TRIP13: variants seen among roughly 807,000 people sequenced by gnomAD.
The protein encoded by TRIP13 is thyroid hormone receptor interactor 13.
In TRIP13, 25 loss-of-function variants were observed where a neutral mutation model predicts 54.4. The observed-to-expected ratio is 0.46, with a 90% CI of 0.33 to 0.64. The LOEUF (loss-of-function observed/expected upper bound fraction) is 0.64, where lower values mean the gene tolerates loss of function less well. TRIP13 is among the 30% of genes least tolerant of loss of function. TRIP13 has a pLI of 0.02. For missense variants in TRIP13, 373 were observed against 534.2 expected (o/e 0.70, Z 2.97); for synonymous variants, 207 against 207.8 (o/e 1.00, Z 0.03).
chr5:909,714 A>G (rs1028148628), intron 9 of TRIP13, among the ~76,000 whole-genome samples: 2 of 152,232 alleles, frequency 1.3e-5, no homozygotes, highest in Non-Finnish European at 2.9e-5. Flanking sequence ...AGTCATTAGC[A>G]TTGTTTCTAT....
intron 12 of TRIP13, 59 bp from the exon 13 acceptor site, chr5:916,949 C>A: frequency 6.5e-7 from 1 of 1,536,512 alleles, no homozygotes; most frequent in Non-Finnish European, 8.9e-7. Flanking sequence ...GCTGTGGATG[C>A]CAGATGGCCC....
intron 2 of TRIP13, 70 bp downstream of exon 2, chr5:895,022 C>T: frequency 1.3e-6 from 2 of 1,485,550 alleles, no homozygotes; most frequent in South Asian, 2.7e-5. Flanking sequence ...GAATGTCTTG[C>T]CGTTTTCATA....
rs752573889 is a variant in TRIP13 at position 896,705 on chromosome 5, T to A, written c.299T>A (p.Phe100Tyr). 1 of 1,613,972 alleles carries A rather than the reference T, an allele frequency of 6.2e-7. No homozygotes were observed. Among genetic ancestry groups the A allele is most frequent in the East Asian group, 2.2e-5 (1 of 44,882 alleles). The change falls in exon 3 of 13, where the codon TTC becomes TAC. Residue 100 changes from phenylalanine (F) to tyrosine (Y), a missense_variant. This residue lies in a region of TRIP13 where 151 missense variants were observed against 151.9 expected (regional missense o/e 0.99). Coordinates refer to ENST00000166345, the MANE Select transcript of TRIP13 (RefSeq NM_004237.4). The part of the protein sequence containing the change: ...LSACTVALHI[F>Y]QLNEDGPSSE... ...GCATGCACTGTTGCACTTCACATTT[T>A]CCAGCTGAATGAAGATGGCCCCAGC...
At position 896,639 on chromosome 5, in the gene TRIP13, C is replaced by A; in HGVS notation, c.259-26C>A. 1.9e-6 allele frequency: 3 copies of A among 1,591,888 alleles called. No homozygotes were observed. In the South Asian group the frequency reaches 3.4e-5, roughly 18 times the overall value. On this transcript the variant is annotated intron_variant, in intron 2 of 12. Transcript: ENST00000166345. ...TTAAGTGAGAGTTGGAAATGTGTGT[C>A]GATATTGGCTTTTCCCTCATTTTAG...
intron 3 of TRIP13, among the ~76,000 whole-genome samples, chr5:899,763 G>A (rs1199636207): frequency 1.3e-4 from 4 of 31,206 alleles, no homozygotes; most frequent in African/African-American, 1.2e-3. Context: ...GATGGGCTCT[G>A]GCAGGCCAAG....
rs75110591 is a variant in TRIP13, at chr5:893,310, C to G, written c.92+220C>G. 0.032 allele frequency among the ~76,000 whole-genome samples: 4,838 copies of G among 152,200 alleles called. 247 individuals are homozygous for G. Among genetic ancestry groups the G allele is most frequent in the African/African-American group, 0.1 (4,350 of 41,512 alleles). On this transcript the variant is annotated intron_variant, in intron 1 of 12. Coordinates refer to ENST00000166345, the MANE Select transcript of TRIP13 (RefSeq NM_004237.4). ...GGGCACTGACCCGGCCGACCCGAGC[C>G]CTGCGCGCAGGACCCCAGCTCACAG...
chr5:903,320 C>T (rs1352890633), intron 5 of TRIP13, among the ~76,000 whole-genome samples: 3 of 152,124 alleles, frequency 2.0e-5, no homozygotes, highest in Non-Finnish European at 4.4e-5. Flanking sequence ...GCACTCTTGT[C>T]TTCTAGTCAC....
Position 896,768 on chromosome 5 carries a change from C to G in TRIP13, c.362C>G (p.Ala121Gly). ...GAGGAAGAGACAGAAAACATAATTG[C>G]AGCAAATCACTGGGTTCTACCTGCA... is the stretch of plus-strand genomic sequence containing the variant. ...NLEEETENII[A>G]ANHWVLPAAE... The change falls in exon 3 of 13, where the codon GCA (alanine) becomes GGA (glycine). Residue 121 changes from alanine to glycine, a missense_variant. Physicochemically the swap from Ala to Gly is moderately conservative, Grantham distance 60. Transcript: ENST00000166345. 5.0e-6 allele frequency: 8 copies of G among 1,613,552 alleles called. No individual in the cohort carries two copies. The highest frequency in any genetic ancestry group is 6.8e-6 in the Non-Finnish European group (8 of 1,179,708).
Position 908,194 on chromosome 5 carries a change from C to G in TRIP13, c.759+120C>G. 5.0e-6 allele frequency: 7 copies of G among 1,387,788 alleles called. No individual in the cohort carries two copies. Among genetic ancestry groups the G allele is most frequent in the South Asian group, 4.8e-5 (4 of 83,442 alleles). The allele number at this position is 1,387,788 out of a possible 1,614,324, so 86.0% of individuals were successfully genotyped here. A position where few individuals can be genotyped will look rare whatever the true frequency, so the allele number is the denominator to read the frequency against. On this transcript the variant is annotated intron_variant, in intron 8 of 12. Transcript: ENST00000166345. The surrounding 1 kb of genome is among the most constrained non-coding windows in gnomAD (Gnocchi z 5.2). Reference sequence around the variant, plus strand: ...ACAGCCGGGCTGCCCTCTATCCCTCCCTGCACTGTGCGCCTTTCCACCTTG... The same window carrying G: ...ACAGCCGGGCTGCCCTCTATCCCTCGCTGCACTGTGCGCCTTTCCACCTTG...
intron 6 of TRIP13, among the ~76,000 whole-genome samples, chr5:906,280 A>G (rs186158489): frequency 1.2e-3 from 184 of 150,406 alleles, no homozygotes; most frequent in African/African-American, 4.1e-3. Flanking sequence ...TTCCAGTACA[A>G]AGATCTGGAA....
rs920405390 is a variant in TRIP13, at chr5:912,523, C to T, written c.1020+527C>T. Reference sequence around the variant, plus strand: ...TGTGTGTGTGAGTCAGGAAGGCCGTCGCCACGGGCAGAGCGACGCGTGCGG... The same window carrying T: ...TGTGTGTGTGAGTCAGGAAGGCCGTTGCCACGGGCAGAGCGACGCGTGCGG... On this transcript the variant is annotated intron_variant, in intron 10 of 12. Coordinates refer to ENST00000166345, the MANE Select transcript of TRIP13 (RefSeq NM_004237.4). This position sits in a 1 kb window ranked among gnomAD's most constrained non-coding sequence, Gnocchi z 7.2. 3.3e-5 allele frequency among the ~76,000 whole-genome samples: 5 copies of T among 151,306 alleles called. No homozygotes were observed. Among genetic ancestry groups the T allele is most frequent in the Admixed American group, 1.3e-4 (2 of 15,190 alleles).
Position 893,095 on chromosome 5 carries a change from G to A in TRIP13, c.92+5G>A. ...GGTGCATCAGCGCGGCAGCAGGTGAGCCGGACCTGTCCGACACATCCTCTG... is the reference window on the plus strand; with the variant it reads ...GGTGCATCAGCGCGGCAGCAGGTGAACCGGACCTGTCCGACACATCCTCTG... On this transcript the variant is annotated splice_donor_5th_base_variant and intron_variant, in intron 1 of 12. Transcript: ENST00000166345. 1 of 1,587,392 alleles carries A rather than the reference G, an allele frequency of 6.3e-7. No individual in the cohort carries two copies.
chr5:909,293 ACCTGCCTGTC>A (rs1754181826), intron 9 of TRIP13, among the ~76,000 whole-genome samples: 1 of 152,178 alleles, frequency 6.6e-6, no homozygotes, highest in African/African-American at 2.4e-5. Context: ...GCGAGCCAGA[ACCTGCCTGTC>A]CCTGTGTGGT....
chr5:914,222 T>A (rs1754297293), intron 10 of TRIP13, among the ~76,000 whole-genome samples: 1 of 152,184 alleles, frequency 6.6e-6, no homozygotes, highest in Non-Finnish European at 1.5e-5. Context: ...ATGTTGCTAC[T>A]GGTTTCTGAG....
At chr5:901,269 G>A in intron 4 of TRIP13, 72 bp from the exon 5 acceptor site, 1 of 1,412,154 alleles carries the variant, frequency 7.1e-7, no homozygotes, top group Non-Finnish European at 9.9e-7. Flanking sequence ...TAAGCCCTGG[G>A]GGAGGGCACA....
chr5:907,003 T>G lies in TRIP13; in HGVS notation c.609-127T>G, dbSNP rs1754128132. On this transcript the variant is annotated intron_variant, in intron 6 of 12. Transcript: ENST00000166345. This position sits in a 1 kb window ranked among gnomAD's most constrained non-coding sequence, Gnocchi z 4.1. ...ACGGAGGGCTGGATTCCTCAATTCTTTGTCAGTAATTGTAATTCCCCCGAT... is the reference window on the plus strand; with the variant it reads ...ACGGAGGGCTGGATTCCTCAATTCTGTGTCAGTAATTGTAATTCCCCCGAT... 1.4e-6 allele frequency: 1 copy of G among 722,490 alleles called. No individual in the cohort carries two copies. Among genetic ancestry groups the G allele is most frequent in the African/African-American group, 1.8e-5 (1 of 56,340 alleles). 44.8% of individuals were successfully genotyped at this position (722,490 alleles called of 1,614,324 possible).
chr5:903,238 T>C (rs969573706), intron 5 of TRIP13, among the ~76,000 whole-genome samples: 6 of 152,118 alleles, frequency 3.9e-5, no homozygotes, highest in African/African-American at 1.4e-4. Flanking sequence ...AGCGGGCTTC[T>C]TCCCAGACGC....
rs1754279995 is a variant in TRIP13, at chr5:913,340, G to A, written c.1021-1125G>A. ...GATGGACTTTTTCTGGGACAGTGTAGGACAGGGGTAGTTTTTTGTTTGTTT... is the reference window on the plus strand; with the variant it reads ...GATGGACTTTTTCTGGGACAGTGTAAGACAGGGGTAGTTTTTTGTTTGTTT... On this transcript the variant is annotated intron_variant, in intron 10 of 12. Coordinates refer to ENST00000166345, the MANE Select transcript of TRIP13 (RefSeq NM_004237.4). The surrounding 1 kb of genome is among the most constrained non-coding windows in gnomAD (Gnocchi z 4.5). Among the ~76,000 whole-genome samples, 1 of 152,104 alleles carries A rather than the reference G, an allele frequency of 6.6e-6. No homozygotes were observed. Among genetic ancestry groups the A allele is most frequent in the South Asian group, 2.1e-4 (1 of 4,830 alleles).
In TRIP13 at chr5:908,423, G is replaced by C. The variant is rs1262728340; in HGVS notation, c.828G>C (p.Val276=). 1 of 1,613,724 alleles carries C rather than the reference G, an allele frequency of 6.2e-7. No individual in the cohort carries two copies. Among genetic ancestry groups the C allele is most frequent in the Admixed American group, 1.7e-5 (1 of 60,016 alleles). ...CCGAGCCATCAGATGCCATCCGCGT[G>C]GTCAATGCTGTCTTGACCCAAATTG... The part of the protein sequence containing the change: ...AGTEPSDAIR[V]VNAVLTQIDQ... The change falls in exon 9 of 13, where the codon GTG becomes GTC. Residue 276 remains valine, a synonymous_variant. Coordinates refer to ENST00000166345, the MANE Select transcript of TRIP13 (RefSeq NM_004237.4). The surrounding 1 kb of genome is among the most constrained non-coding windows in gnomAD (Gnocchi z 5.2).
Sources: allele counts gnomAD v4.1 joint callset (sites outside exome capture counted in the v4.1 genomes callset), GRCh38; gene constraint gnomAD v4.1.1; regional missense constraint gnomAD v4.1.1; non-coding constraint Gnocchi (gnomAD v3.1); transcripts MANE v1.5; gene names NCBI Gene and HGNC (gene_info 2026-07-23, HGNC 2026-07-21).